The following BMP2K variants were observed in gnomAD, a reference collection of about 807,000 sequenced individuals.
BMP2K encodes the protein BMP2 inducible kinase.
BMP2K carries 74 observed loss-of-function variants against 116.0 expected under a neutral mutation model. The observed-to-expected ratio is 0.64, with a 90% CI of 0.53 to 0.77. The LOEUF is 0.77. BMP2K is among the 30% of genes least tolerant of loss of function. The probability of loss-of-function intolerance (pLI) is 0.00; values close to 1 mark genes in which losing one functional copy is unlikely to be tolerated. For synonymous variants in BMP2K, 486 were observed against 502.5 expected (o/e 0.97, Z 0.44); for missense variants, 1,365 against 1,403.6 (o/e 0.97, Z 0.44).
chr4:78,830,874 C>T (rs1318976702), intron 2 of BMP2K, among the ~76,000 whole-genome samples: 1 of 152,220 alleles, frequency 6.6e-6, no homozygotes, highest in East Asian at 1.9e-4. Flanking sequence ...TTAAAACTTT[C>T]TCCATGTCAG....
intron 3 of BMP2K, among the ~76,000 whole-genome samples, chr4:78,841,974 A>T (rs1380883442): frequency 6.6e-6 from 1 of 152,044 alleles, no homozygotes; most frequent in African/African-American, 2.4e-5. Flanking sequence ...ATATATAATT[A>T]TTACAATATA....
At chr4:78,888,508 A>G (rs1733232574) in intron 15 of BMP2K, among the ~76,000 whole-genome samples, 1 of 152,168 alleles carries the variant, frequency 6.6e-6, no homozygotes, top group Non-Finnish European at 1.5e-5. Context: ...CTCTGTTAGG[A>G]ATTGCATTAT....
At chr4:78,808,392 A>G (rs1202317701) in intron 1 of BMP2K, among the ~76,000 whole-genome samples, 3 of 150,740 alleles carry the variant, frequency 2.0e-5, no homozygotes, top group Non-Finnish European at 2.9e-5. Flanking sequence ...CACCCTCCTG[A>G]GTAGCTGGGA....
intron 4 of BMP2K, 37 bp from the exon 5 acceptor site, chr4:78,844,891 T>A: frequency 6.5e-7 from 1 of 1,530,204 alleles, no homozygotes; most frequent in South Asian, 1.2e-5. Context: ...ATTTTCACTT[T>A]GAAAATACTA....
At chr4:78,875,360 G>T in intron 13 of BMP2K, among the ~76,000 whole-genome samples, 1 of 151,742 alleles carries the variant, frequency 6.6e-6, no homozygotes, top group East Asian at 1.9e-4. Context: ...TATCTTTGTT[G>T]GAATAATTAT....
intron 15 of BMP2K, among the ~76,000 whole-genome samples, chr4:78,907,315 G>T (rs543599132): frequency 1.1e-4 from 17 of 152,154 alleles, no homozygotes; most frequent in Non-Finnish European, 1.8e-4. Flanking sequence ...TAAAGTGACA[G>T]ATGTCTTCTG....
At chr4:78,844,818 A>G (rs1730919964) in intron 4 of BMP2K, 110 bp from the exon 5 acceptor site, 1 of 910,978 alleles carries the variant, frequency 1.1e-6, no homozygotes, top group Non-Finnish European at 1.7e-6. Context: ...TTCGGTGTTT[A>G]TTGTGTAAAA....
At chr4:78,811,807 C>T (rs759573391) in intron 1 of BMP2K, among the ~76,000 whole-genome samples, 8 of 152,076 alleles carry the variant, frequency 5.3e-5, no homozygotes, top group Non-Finnish European at 1.2e-4. Context: ...AATTTGTTGA[C>T]CCATCATGTA....
Position 78,911,738 on chromosome 4 carries a change from G to C in BMP2K, c.3191G>C (p.Ser1064Thr), listed in dbSNP as rs371529410. Reference sequence around the variant, plus strand: ...GGGAATGTCTTACAACCTGAGGAGAGCCTGTTGGACCCCTTCGGTGCCAAG... The same window carrying C: ...GGGAATGTCTTACAACCTGAGGAGACCCTGTTGGACCCCTTCGGTGCCAAG... The part of the protein sequence containing the change: ...DRGNVLQPEE[S>T]LLDPFGAKPF... Residue 1064 changes from serine (S) to threonine (T), a missense_variant, in exon 16 of 16, where the codon AGC (serine) becomes ACC (threonine). Ser to Thr is a moderately conservative substitution (Grantham distance 58). Transcript: ENST00000502613. 32 of 1,613,820 alleles carry C rather than the reference G, an allele frequency of 2.0e-5. No homozygotes were observed. The highest frequency in any genetic ancestry group is 2.5e-5 in the Non-Finnish European group (30 of 1,179,884).
chr4:78,843,420 ACTTTT>A (rs1303114957), intron 4 of BMP2K, among the ~76,000 whole-genome samples: 5 of 149,460 alleles, frequency 3.3e-5, no homozygotes, highest in East Asian at 4.1e-4. Context: ...GAGGGCCAGG[ACTTTT>A]CTTTTTTTTT....
intron 1 of BMP2K, among the ~76,000 whole-genome samples, chr4:78,824,066 G>A (rs542169940): frequency 2.6e-5 from 4 of 152,196 alleles, no homozygotes; most frequent in African/African-American, 7.2e-5. Flanking sequence ...GAGATTTTAC[G>A]TAAAGTACCT....
rs915895834 is a variant in BMP2K, at chr4:78,861,289, T to C, written c.988-100T>C. The C allele has an allele frequency of 1.1e-5, 9 of 855,536 alleles. No individual in the cohort carries two copies. The Admixed American group carries it at 1.4e-4, about 14-fold the overall frequency. The allele number at this position is 855,536 out of a possible 1,614,324, so 53.0% of individuals were successfully genotyped here. On this transcript the variant is annotated intron_variant, in intron 8 of 15. Transcript: ENST00000502613. Reference sequence around the variant, plus strand: ...CTGATGTGAAAGTAATAGTGTCTCATAGTACTTTTAAAGTTCAATGATATA... The same window carrying C: ...CTGATGTGAAAGTAATAGTGTCTCACAGTACTTTTAAAGTTCAATGATATA...
At chr4:78,805,788 A>G (rs1578481991) in intron 1 of BMP2K, among the ~76,000 whole-genome samples, 1 of 151,970 alleles carries the variant, frequency 6.6e-6, no homozygotes, top group Non-Finnish European at 1.5e-5. Flanking sequence ...TAGCCAACAT[A>G]GTGAAACCTC....
intron 14 of BMP2K, among the ~76,000 whole-genome samples, chr4:78,883,795 G>T (rs1034703086): frequency 4.6e-5 from 7 of 152,166 alleles, no homozygotes; most frequent in African/African-American, 1.7e-4. Flanking sequence ...AGGTGTGGTG[G>T]TTCATGCCTG....
At chr4:78,796,259 C>A (rs1728266787) in intron 1 of BMP2K, among the ~76,000 whole-genome samples, 2 of 151,716 alleles carry the variant, frequency 1.3e-5, no homozygotes, top group Non-Finnish European at 2.9e-5. Context: ...AATTGGAAAT[C>A]ATCATTCTCA....
At chr4:78,790,862 CAATAAT>C (rs1040761248) in intron 1 of BMP2K, among the ~76,000 whole-genome samples, 1 of 151,880 alleles carries the variant, frequency 6.6e-6, no homozygotes, top group Admixed American at 6.6e-5. Context: ...GTCTAAATAA[CAATAAT>C]AATAATAATC....
At chr4:78,837,558 TG>T (rs1449031970) in intron 3 of BMP2K, among the ~76,000 whole-genome samples, 2 of 152,194 alleles carry the variant, frequency 1.3e-5, no homozygotes, top group Admixed American at 6.5e-5. Context: ...GCAGAGATAC[TG>T]GGGGGAAAAA....
At chr4:78,881,689 C>T (rs1390769312) in intron 14 of BMP2K, among the ~76,000 whole-genome samples, 1 of 151,892 alleles carries the variant, frequency 6.6e-6, no homozygotes, top group African/African-American at 2.4e-5. Context: ...TCTTCCAGAA[C>T]CTTCAGAGTT....
intron 14 of BMP2K, among the ~76,000 whole-genome samples, chr4:78,885,837 A>G (rs2110072968): frequency 1.3e-5 from 2 of 152,236 alleles, no homozygotes; most frequent in South Asian, 4.1e-4. Context: ...CTCAACTAGT[A>G]TGTGTCTACT....
Sources: gnomAD v4.1 joint callset for allele counts (sites outside exome capture counted in the v4.1 genomes callset) on GRCh38, gnomAD v4.1.1 for gene constraint, MANE v1.5 for transcripts, NCBI Gene and HGNC (gene_info 2026-07-23, HGNC 2026-07-21) for gene names.